Variants in MIGA1 observed in about 807,000 individuals in gnomAD.
MIGA1 encodes family with sequence similarity 73, member A.
A neutral mutation model predicts 82.0 loss-of-function variants in MIGA1; 58 were observed. The ratio of observed to expected loss-of-function variants is 0.71; its 90% CI spans 0.57 to 0.88. The LOEUF is 0.88. MIGA1 is among the 40% of genes least tolerant of loss of function. MIGA1 has a pLI of 0.00. For synonymous variants in MIGA1, 249 were observed against 253.6 expected, an observed-to-expected ratio of 0.98 and a Z score of 0.17; for missense variants, 751 against 749.1, an observed-to-expected ratio of 1.00 and a Z score of -0.03.
intron 7 of MIGA1, among the ~76,000 whole-genome samples, chr1:77,823,852 T>C (rs915608705): frequency 2.0e-5 from 3 of 152,198 alleles, no homozygotes; most frequent in African/African-American, 7.2e-5. Context: ...AATTCTAAAC[T>C]CTGTTTCTCT....
At chr1:77,805,670 C>G (rs935515014) in intron 4 of MIGA1, among the ~76,000 whole-genome samples, 13 of 151,860 alleles carry the variant, frequency 8.6e-5, no homozygotes, top group African/African-American at 3.1e-4. Flanking sequence ...GCTGGGATTA[C>G]AGGCGTGCAC....
intron 8 of MIGA1, chr1:77,847,225 T>A: frequency 8.9e-7 from 1 of 1,127,692 alleles, no homozygotes; most frequent in Non-Finnish European, 1.4e-6. Flanking sequence ...TGATGAGACC[T>A]CCATGAGTGA....
intron 8 of MIGA1, chr1:77,847,133 G>T (rs1204719379): frequency 2.9e-6 from 3 of 1,019,202 alleles, no homozygotes. Context: ...AGGCAGTATG[G>T]GTTTATTTTG....
chr1:77,858,957 T>TA lies in MIGA1; in HGVS notation c.1017dup (p.Arg340ThrfsTer23). 6.2e-7 allele frequency: 1 copy of TA among 1,612,488 alleles called. No homozygotes were observed. Among genetic ancestry groups the TA allele is most frequent in the South Asian group, 1.1e-5 (1 of 91,038 alleles). ...TCTTAGCTTGCAGAACACAGAGAAG[T>TA]ACGGCATACCTACAGCCTGGAGTCC... On this transcript the variant is annotated frameshift_variant, in exon 9 of 16. Transcript: ENST00000370791. LOFTEE classifies it high-confidence loss of function.
Position 77,848,329 on chromosome 1 carries a change from A to G in MIGA1, c.996+4922A>G, listed in dbSNP as rs1331190983. 15 of 1,277,900 alleles carry G rather than the reference A, an allele frequency of 1.2e-5. 1 individual carries two copies. Among genetic ancestry groups the G allele is most frequent in the Admixed American group, 4.0e-5 (2 of 50,040 alleles). 79.2% of individuals were successfully genotyped at this position (1,277,900 alleles called of 1,614,324 possible). A position where few individuals can be genotyped will look rare whatever the true frequency, so the allele number is the denominator to read the frequency against. ...AACAAGAAAGAGAGACAACAAAATG[A>G]TCAGAACCGACACAGTGAGAAAGGA... On this transcript the variant is annotated intron_variant, in intron 8 of 15. Transcript: ENST00000370791.
intron 2 of MIGA1, among the ~76,000 whole-genome samples, chr1:77,795,293 G>T (rs1316093227): frequency 6.6e-6 from 1 of 151,448 alleles, no homozygotes; most frequent in African/African-American, 2.4e-5. Flanking sequence ...GTTTATTGGT[G>T]ATTTTCTATT....
At chr1:77,807,291 T>A (rs376909812) in intron 5 of MIGA1, among the ~76,000 whole-genome samples, 190 bp downstream of exon 5, 1 of 152,060 alleles carries the variant, frequency 6.6e-6, no homozygotes, top group South Asian at 2.1e-4. Context: ...CCTCCTGAGT[T>A]GCTGGGACCA....
chr1:77,811,847 T>C (rs1275049776), intron 5 of MIGA1: 9 of 1,398,884 alleles, frequency 6.4e-6, no homozygotes, highest in Admixed American at 2.6e-5. Flanking sequence ...GGCGCCATCC[T>C]CCCCCGGCCT....
intron 5 of MIGA1, among the ~76,000 whole-genome samples, chr1:77,808,723 A>G (rs978559747): frequency 9.9e-5 from 15 of 152,182 alleles, no homozygotes; most frequent in Admixed American, 1.3e-4. Flanking sequence ...AAAACCAGTA[A>G]ACTTGATGTG....
At chr1:77,865,167 C>T (rs934193304) in intron 13 of MIGA1, among the ~76,000 whole-genome samples, 7 of 151,320 alleles carry the variant, frequency 4.6e-5, no homozygotes, top group Admixed American at 4.0e-4. Flanking sequence ...CTGGAATCAC[C>T]TCCAAGGGTC....
chr1:77,811,284 C>A, intron 5 of MIGA1: 1 of 1,593,304 alleles, frequency 6.3e-7, no homozygotes, highest in Non-Finnish European at 8.6e-7. Flanking sequence ...TGAGTAATGT[C>A]ATTCCTGGTT....
intron 12 of MIGA1, among the ~76,000 whole-genome samples, chr1:77,863,102 A>G (rs1330024255): frequency 6.6e-6 from 1 of 152,222 alleles, no homozygotes; most frequent in African/African-American, 2.4e-5. Context: ...TCTGCAGGCC[A>G]GCAACCTGAG....
At chr1:77,785,943 C>CTCCATT (rs1388378456) in intron 2 of MIGA1, among the ~76,000 whole-genome samples, 1 of 152,234 alleles carries the variant, frequency 6.6e-6, no homozygotes, top group Non-Finnish European at 1.5e-5. Context: ...GGGCCTCCGA[C>CTCCATT]TCCATGTTTC....
At chr1:77,784,910 T>C (rs1252159186) in intron 2 of MIGA1, among the ~76,000 whole-genome samples, 2 of 152,156 alleles carry the variant, frequency 1.3e-5, no homozygotes, top group Non-Finnish European at 2.9e-5. Flanking sequence ...TGACACTTAC[T>C]CATTATCATG....
chr1:77,867,183 G>A (rs2101962355), intron 14 of MIGA1, among the ~76,000 whole-genome samples: 1 of 152,274 alleles, frequency 6.6e-6, no homozygotes, highest in East Asian at 1.9e-4. Context: ...ACTCCTAGTA[G>A]TAAAGGGCAA....
intron 8 of MIGA1, 101 bp downstream of exon 8, chr1:77,843,508 G>A (rs1684704627): frequency 1.2e-6 from 1 of 850,906 alleles, no homozygotes; most frequent in Admixed American, 2.1e-5. Flanking sequence ...TATTTATTTA[G>A]CACGTACCAT....
intron 13 of MIGA1, 62 bp from the exon 14 acceptor site, chr1:77,866,276 A>G (rs1241787828): frequency 2.0e-6 from 3 of 1,493,262 alleles, no homozygotes; most frequent in East Asian, 2.3e-5. Flanking sequence ...TTGAATTTCT[A>G]ATAAAAATGG....
intron 5 of MIGA1, among the ~76,000 whole-genome samples, chr1:77,809,258 T>C (rs1055444470): frequency 6.6e-6 from 1 of 152,166 alleles, no homozygotes; most frequent in Non-Finnish European, 1.5e-5. Flanking sequence ...CCTGGTATCA[T>C]CACCCATCTG....
intron 14 of MIGA1, chr1:77,868,488 A>C (rs1210950959): frequency 6.6e-6 from 1 of 152,230 alleles, no homozygotes; most frequent in African/African-American, 2.4e-5. Context: ...TGGCCTCCCA[A>C]AGTGCTGGGA....
Sources: allele counts gnomAD v4.1 joint callset (sites outside exome capture counted in the v4.1 genomes callset), GRCh38; gene constraint gnomAD v4.1.1; transcripts MANE v1.5; gene names NCBI Gene and HGNC (gene_info 2026-07-23, HGNC 2026-07-21).